ESRRB: variants seen among roughly 807,000 people sequenced by gnomAD.
ESRRB encodes estrogen related receptor beta.
ESRRB carries 16 observed loss-of-function variants against 46.0 expected under a neutral mutation model. That is an observed-to-expected ratio of 0.35 (90% CI 0.24 to 0.53). The LOEUF (loss-of-function observed/expected upper bound fraction) is 0.53. ESRRB is among the 20% of genes least tolerant of loss of function. The pLI is 0.93. For missense variants in ESRRB, 488 were observed against 607.4 expected (o/e 0.80, Z 2.07); for synonymous variants, 246 against 259.6 (o/e 0.95, Z 0.50).
intron 1 of ESRRB, among the ~76,000 whole-genome samples, chr14:76,388,478 C>T (rs1202205693): frequency 6.6e-6 from 1 of 152,140 alleles, no homozygotes; most frequent in Admixed American, 6.5e-5. Flanking sequence ...AGCCACTGCA[C>T]CCGGCCTAGA....
intron 1 of ESRRB, among the ~76,000 whole-genome samples, chr14:76,365,586 C>G (rs564667797): frequency 1.3e-5 from 2 of 152,264 alleles, no homozygotes; most frequent in South Asian, 4.2e-4. Flanking sequence ...CCTAAGCGAG[C>G]TTGAACCATT....
At chr14:76,488,885 A>G (rs1469943690) in intron 5 of ESRRB, among the ~76,000 whole-genome samples, 1 of 152,064 alleles carries the variant, frequency 6.6e-6, no homozygotes, top group Non-Finnish European at 1.5e-5. Flanking sequence ...CTTTGTGCTG[A>G]CTTGTGCCCC....
Position 76,482,798 on chromosome 14 carries a change from T to C in ESRRB, c.850+39T>C, listed in dbSNP as rs760681533. 4 of 1,611,322 alleles carry C rather than the reference T, an allele frequency of 2.5e-6. No homozygotes were observed. The highest frequency in any genetic ancestry group is 3.4e-6 in the Non-Finnish European group (4 of 1,179,074). On this transcript the variant is annotated intron_variant, in intron 5 of 6. Coordinates refer to ENST00000644823, the MANE Select transcript of ESRRB (RefSeq NM_001379180.1). The surrounding 1 kb of genome is among the most constrained non-coding windows in gnomAD (Gnocchi z 4.3). ...ACCAGGGGAGAGTGTGGCCAGGGAC[T>C]CTCAGCCGGTATCTCCGCAGCCTAC...
At position 76,360,262 on chromosome 14, in the gene ESRRB, C is replaced by G. The variant is rs192467351; in HGVS notation, c.2+49346C>G. On this transcript the variant is annotated intron_variant, in intron 1 of 6. Coordinates refer to the ESRRB transcript ENST00000512784. ...TAATCCCATCCTGTGTGGGCACATC[C>G]TGGTACAGCCATGCACCTTTCTAGG... Among the ~76,000 whole-genome samples the G allele has an allele frequency of 7.4e-3, 1,129 of 152,258 alleles. 11 individuals are homozygous for G. The highest frequency in any genetic ancestry group is 0.01 in the Non-Finnish European group (700 of 68,020).
chr14:76,433,649 C>T (rs1410193586), intron 1 of ESRRB, among the ~76,000 whole-genome samples: 2 of 152,166 alleles, frequency 1.3e-5, no homozygotes, highest in Admixed American at 6.5e-5. Context: ...CTACCCTTCA[C>T]GGCCAATTTT....
At chr14:76,446,032 A>G (rs890488046) in intron 2 of ESRRB, among the ~76,000 whole-genome samples, 4 of 152,136 alleles carry the variant, frequency 2.6e-5, no homozygotes, top group Non-Finnish European at 4.4e-5. Context: ...TGGTAGTACA[A>G]TGGCGGGGGA....
At chr14:76,394,223 G>A (rs1885583740) in intron 1 of ESRRB, among the ~76,000 whole-genome samples, 1 of 149,776 alleles carries the variant, frequency 6.7e-6, no homozygotes, top group African/African-American at 2.4e-5. Flanking sequence ...CTTTGATGCT[G>A]GGCTCTTTTC....
At chr14:76,310,916 T>C (rs1883722015) in exon 1 of ESRRB, 1 of 454,404 alleles carries the variant, frequency 2.2e-6, no homozygotes, top group Admixed American at 2.4e-5. Context: ...GCCCCAAGCA[T>C]GTGAGTAACC....
chr14:76,492,323 C>T (rs751178165), intron 6 of ESRRB, among the ~76,000 whole-genome samples: 28 of 152,066 alleles, frequency 1.8e-4, no homozygotes, highest in Non-Finnish European at 1.0e-4. Context: ...GCCATTATTC[C>T]GGCCAATTCT....
chr14:76,476,598 T>A (rs1197295683), intron 3 of ESRRB, among the ~76,000 whole-genome samples: 1 of 152,246 alleles, frequency 6.6e-6, no homozygotes, highest in African/African-American at 2.4e-5. Context: ...CAGTGAAAAT[T>A]GCTTTCTGCT....
chr14:76,429,288 A>T (rs191450234), intron 1 of ESRRB, among the ~76,000 whole-genome samples: 27 of 152,290 alleles, frequency 1.8e-4, no homozygotes, highest in African/African-American at 5.8e-4. Flanking sequence ...ATTATCTGAA[A>T]GTCACCAGGG....
At position 76,491,678 on chromosome 14, in the gene ESRRB, A is replaced by C. The variant is rs1327753243; in HGVS notation, c.1082A>C (p.Glu361Ala). The C allele has an allele frequency of 6.3e-7, 1 of 1,586,650 alleles. No individual in the cohort carries two copies. The highest frequency in any genetic ancestry group is 1.2e-5 in the South Asian group (1 of 86,454). Residue 361 changes from glutamate to alanine, a missense_variant, in exon 6 of 7, where the codon GAG becomes GCG. By Grantham distance (107) the Glu-to-Ala change is moderately radical (BLOSUM62 -1). Coordinates refer to ENST00000644823, the MANE Select transcript of ESRRB (RefSeq NM_001379180.1). ...RYKKLKVEKEEFVTLKALALA... is the reference protein window; with the variant it reads ...RYKKLKVEKEAFVTLKALALA... The stretch of plus-strand genomic sequence containing the variant: ...AAGAAGCTCAAGGTGGAGAAGGAGG[A>C]GTTTGTGACGCTCAAGGCCCTGGCC...
intron 1 of ESRRB, among the ~76,000 whole-genome samples, chr14:76,428,022 G>A (rs536226876): frequency 6.6e-6 from 1 of 152,268 alleles, no homozygotes; most frequent in African/African-American, 2.4e-5. Flanking sequence ...GTTTGAGATG[G>A]AGTTTTGATC....
intron 1 of ESRRB, among the ~76,000 whole-genome samples, chr14:76,355,193 A>G (rs1884365083): frequency 6.6e-6 from 1 of 152,178 alleles, no homozygotes; most frequent in African/African-American, 2.4e-5. Context: ...GAGGCGGTAG[A>G]GACCCAAGTA....
intron 6 of ESRRB, among the ~76,000 whole-genome samples, chr14:76,492,668 T>C (rs1890275203): frequency 6.6e-6 from 1 of 152,206 alleles, no homozygotes; most frequent in African/African-American, 2.4e-5. Flanking sequence ...AACCTGAACC[T>C]ATACCCACTC....
At chr14:76,491,044 G>A (rs1890203827) in intron 5 of ESRRB, among the ~76,000 whole-genome samples, 1 of 152,140 alleles carries the variant, frequency 6.6e-6, no homozygotes, top group Non-Finnish European at 1.5e-5. Context: ...GTGGGCCCTG[G>A]AAACTCCCCA....
chr14:76,404,252 CACAA>C lies in ESRRB; in HGVS notation c.50+27805_50+27808del, dbSNP rs1225247862. On this transcript the variant is annotated intron_variant, in intron 1 of 6. Coordinates refer to ENST00000644823, the MANE Select transcript of ESRRB (RefSeq NM_001379180.1). ...CCAGGGACCTAGCCATAGGAGTGCC[CACAA>C]ACAGTGTGTCTGCATATGTGTGTGT... The C allele has an allele frequency of 2.6e-5, 4 of 152,040 alleles. No individual in the cohort carries two copies. In the East Asian group the frequency reaches 7.7e-4, roughly 29 times the overall value. 9.4% of individuals were successfully genotyped at this position (152,040 alleles called of 1,614,324 possible).
chr14:76,354,906 T>A (rs190331781), intron 1 of ESRRB, among the ~76,000 whole-genome samples: 129 of 151,922 alleles, frequency 8.5e-4, no homozygotes, highest in Non-Finnish European at 1.5e-3. Flanking sequence ...AGATGAACGT[T>A]CACCATGTTG....
At chr14:76,369,466 G>A (rs893958880), upstream of ESRRB, among the ~76,000 whole-genome samples, 1 of 151,762 alleles carries the variant, frequency 6.6e-6, no homozygotes, top group Non-Finnish European at 1.5e-5. Flanking sequence ...TAAAGACAAG[G>A]TCTCGCCATG....
Sources: gnomAD v4.1 joint callset for allele counts (sites outside exome capture counted in the v4.1 genomes callset) on GRCh38, gnomAD v4.1.1 for gene constraint, Gnocchi (gnomAD v3.1) non-coding constraint, MANE v1.5 for transcripts, NCBI Gene and HGNC (gene_info 2026-07-23, HGNC 2026-07-21) for gene names.